Variants in IFNGR1 observed in about 807,000 individuals in gnomAD.
IFNGR1 encodes the protein interferon gamma receptor 1.
IFNGR1 carries 23 observed loss-of-function variants against 35.4 expected under a neutral mutation model. That is an observed-to-expected ratio of 0.65 (90% CI 0.47 to 0.92). The LOEUF (loss-of-function observed/expected upper bound fraction) is 0.92. Among genes scored for constraint, IFNGR1 ranks in the 40% least tolerant of loss-of-function variants. The pLI, the probability that IFNGR1 is intolerant of heterozygous loss-of-function variation, is 0.00. For synonymous variants in IFNGR1, 199 were observed against 209.5 expected, an observed-to-expected ratio of 0.95 and a Z score of 0.43; for missense variants, 533 against 583.4, an observed-to-expected ratio of 0.91 and a Z score of 0.89.
Position 137,197,974 on chromosome 6 carries a change from A to G in IFNGR1, c.*57T>C, listed in dbSNP as rs559795559. The G allele has an allele frequency of 1.2e-6, 2 of 1,610,292 alleles. No homozygotes were observed. The highest frequency in any genetic ancestry group is 3.3e-5 in the Admixed American group (2 of 59,978). On this transcript the variant is annotated 3_prime_UTR_variant, in exon 7 of 7. Coordinates refer to ENST00000367739, the MANE Select transcript of IFNGR1 (RefSeq NM_000416.3). ...GAGATCATAATCTTTTCATGAAATT[A>G]AAGCAGAAAACTGTCCAGGAAAATC...
intron 6 of IFNGR1, among the ~76,000 whole-genome samples, 169 bp downstream of exon 6, chr6:137,200,712 T>C (rs1779257049): frequency 6.6e-6 from 1 of 152,144 alleles, no homozygotes; most frequent in South Asian, 2.1e-4. Flanking sequence ...AAATACTTGC[T>C]GCACAGCAAA....
At chr6:137,210,414 T>C (rs561897499) in intron 1 of IFNGR1, among the ~76,000 whole-genome samples, 1 of 152,332 alleles carries the variant, frequency 6.6e-6, no homozygotes, top group East Asian at 1.9e-4. Flanking sequence ...TTCACTTCTT[T>C]ACAGATAAAC....
At position 137,206,554 on chromosome 6, in the gene IFNGR1, A is replaced by G. The variant is rs532296084; in HGVS notation, c.201-246T>C. 8 of 438,806 alleles carry G rather than the reference A, an allele frequency of 1.8e-5. No homozygotes were observed. In the South Asian group the frequency reaches 2.6e-4, roughly 14 times the overall value. The allele number at this position is 438,806 out of a possible 1,614,324, so 27.2% of individuals were successfully genotyped here. A position where few individuals can be genotyped will look rare whatever the true frequency, so the allele number is the denominator to read the frequency against. On this transcript the variant is annotated intron_variant, in intron 2 of 6. Transcript: ENST00000367739. The stretch of plus-strand genomic sequence containing the variant: ...CTATGCAAGCCACATTCCACATTCA[A>G]TTTTTTAAAAATCTGTTTTTTTAAA...
chr6:137,208,364 TC>T (rs1444468836), intron 1 of IFNGR1, among the ~76,000 whole-genome samples: 1 of 152,112 alleles, frequency 6.6e-6, no homozygotes, highest in Admixed American at 6.5e-5. Flanking sequence ...CTAATGTTAA[TC>T]CCCAAGGCCA....
chr6:137,197,843 AG>A lies in IFNGR1; in HGVS notation c.*187del. 2 of 635,186 alleles carry A rather than the reference AG, an allele frequency of 3.1e-6. No homozygotes were observed. The highest frequency in any genetic ancestry group is 5.2e-6 in the Non-Finnish European group (2 of 382,772). The allele number at this position is 635,186 out of a possible 1,614,324, so 39.3% of individuals were successfully genotyped here. ...CTTTTTTTGTTTAAAAAAAAAAAAA[AG>A]TCTGTACTTTACAAGCCAAAAGTGA... On this transcript the variant is annotated 3_prime_UTR_variant, in exon 7 of 7. Transcript: ENST00000367739.
chr6:137,200,838 C>G (rs1779260197), intron 6 of IFNGR1, 43 bp downstream of exon 6: 1 of 1,406,334 alleles, frequency 7.1e-7, no homozygotes, highest in African/African-American at 1.5e-5. Flanking sequence ...AAAAAAGGTT[C>G]AAGTTAACTT....
At chr6:137,203,425 G>A (rs1779337487) in intron 5 of IFNGR1, 74 bp downstream of exon 5, 5 of 812,496 alleles carry the variant, frequency 6.2e-6, no homozygotes, top group Admixed American at 3.5e-5. Context: ...CTGCAAATGA[G>A]TTTGCTTTCC....
Position 137,216,630 on chromosome 6 carries a change from G to A in IFNGR1, c.85+2613C>T, listed in dbSNP as rs145189463. On this transcript the variant is annotated intron_variant, in intron 1 of 6. Transcript: ENST00000367739. ...CCAGCAACAGTAAGAATAAGGCTGGGAAGCTAAGCAAGAGCCAGAGCATTG... is the reference window on the plus strand; with the variant it reads ...CCAGCAACAGTAAGAATAAGGCTGGAAAGCTAAGCAAGAGCCAGAGCATTG... 1.1e-3 allele frequency among the ~76,000 whole-genome samples: 169 copies of A among 152,280 alleles called. 1 individual carries two copies. Among genetic ancestry groups the A allele is most frequent in the African/African-American group, 3.7e-3 (153 of 41,550 alleles).
chr6:137,211,966 G>C lies in IFNGR1; in HGVS notation c.86-4889C>G, dbSNP rs1269292565. On this transcript the variant is annotated intron_variant, in intron 1 of 6. Coordinates refer to ENST00000367739, the MANE Select transcript of IFNGR1 (RefSeq NM_000416.3). ...CATTTCTTCATTTTGGCATTTTTTT[G>C]CCTCTCGAGAGGCTGAGAATTTTCA... Among the ~76,000 whole-genome samples the C allele has an allele frequency of 3.9e-5, 6 of 151,970 alleles. 1 individual carries two copies. The East Asian group carries it at 1.2e-3, about 29-fold the overall frequency.
intron 5 of IFNGR1, among the ~76,000 whole-genome samples, chr6:137,201,300 C>T (rs1334405004): frequency 1.3e-5 from 2 of 152,200 alleles, no homozygotes; most frequent in African/African-American, 2.4e-5. Context: ...TACAGCCCTA[C>T]ATACAGTGTG....
At chr6:137,218,903 T>G (rs1166798182) in intron 1 of IFNGR1, 2 of 424,996 alleles carry the variant, frequency 4.7e-6, no homozygotes, top group Non-Finnish European at 8.8e-6. Context: ...AAGACGATAT[T>G]ATAATCTTTG....
At chr6:137,216,147 A>G (rs1274615853) in intron 1 of IFNGR1, among the ~76,000 whole-genome samples, 1 of 152,242 alleles carries the variant, frequency 6.6e-6, no homozygotes, top group East Asian at 1.9e-4. Context: ...GAATCTCTGA[A>G]ATAACTATAG....
At chr6:137,199,464 T>TAAAA (rs1779194837) in intron 6 of IFNGR1, among the ~76,000 whole-genome samples, 1 of 79,824 alleles carries the variant, frequency 1.3e-5, no homozygotes, top group African/African-American at 4.7e-5. Flanking sequence ...ATAACTTATA[T>TAAAA]TATATAAAAT....
At chr6:137,209,798 C>A (rs374304630) in intron 1 of IFNGR1, 2 of 398,824 alleles carry the variant, frequency 5.0e-6, no homozygotes, top group East Asian at 3.6e-5. Flanking sequence ...CAACTCTACA[C>A]ATACTACTAT....
chr6:137,219,002 C>T (rs1779777999), intron 1 of IFNGR1: 2 of 586,134 alleles, frequency 3.4e-6, no homozygotes, highest in Non-Finnish European at 6.1e-6. Flanking sequence ...GAAAAACAAG[C>T]GGCGTGATTT....
intron 1 of IFNGR1, chr6:137,215,298 A>G: frequency 6.5e-7 from 1 of 1,549,106 alleles, no homozygotes; most frequent in Non-Finnish European, 8.7e-7. Flanking sequence ...GGAGAAGACT[A>G]TTTTCTGGTG....
chr6:137,199,499 A>ATATATAATATATTATATATAATATAT (rs1779200301), intron 6 of IFNGR1, among the ~76,000 whole-genome samples: 6 of 21,932 alleles, frequency 2.7e-4, no homozygotes, highest in African/African-American at 1.2e-3. Flanking sequence ...ATATTATATA[A>ATATATAATATATTATATATAATATAT]AATATATAAT....
At chr6:137,219,176 G>A in intron 1 of IFNGR1, 67 bp downstream of exon 1, 1 of 1,543,804 alleles carries the variant, frequency 6.5e-7, no homozygotes, top group African/African-American at 1.4e-5. Context: ...GGGGCTTCCC[G>A]GCTGGGGCGG....
Position 137,219,238 on chromosome 6 carries a change from G to T in IFNGR1, c.85+5C>A. On this transcript the variant is annotated splice_donor_5th_base_variant and intron_variant, in intron 1 of 6. Transcript: ENST00000367739. ...CGGCCGCAGCCCTGCCGCGAACGAC[G>T]GTACCTGAGGACGGCCCCAGATCCG... The T allele has an allele frequency of 2.5e-6, 4 of 1,607,828 alleles. No individual in the cohort carries two copies. Among genetic ancestry groups the T allele is most frequent in the Non-Finnish European group, 3.4e-6 (4 of 1,177,804 alleles).
Sources: allele counts gnomAD v4.1 joint callset (sites outside exome capture counted in the v4.1 genomes callset), GRCh38; gene constraint gnomAD v4.1.1; transcripts MANE v1.5; gene names NCBI Gene and HGNC (gene_info 2026-07-23, HGNC 2026-07-21).